Variants in SYT7 observed in about 807,000 individuals in gnomAD.
SYT7 encodes synaptotagmin 7.
Under a neutral mutation model 75.1 loss-of-function variants are expected in SYT7, and 29 were observed. The observed-to-expected ratio is 0.39, with a 90% confidence interval of 0.29 to 0.53. The LOEUF is 0.53. SYT7 is among the 20% of genes least tolerant of loss of function. The pLI is 0.77. For synonymous variants in SYT7, 376 were observed against 401.7 expected, an observed-to-expected ratio of 0.94 and a Z score of 0.76; for missense variants, 693 against 953.2, an observed-to-expected ratio of 0.73 and a Z score of 3.59.
chr11:61,560,212 A>T (rs1470166161), intron 1 of SYT7, among the ~76,000 whole-genome samples: 1 of 152,224 alleles, frequency 6.6e-6, no homozygotes, highest in Admixed American at 6.5e-5. Flanking sequence ...TTGCTTTGAC[A>T]TCACACCAAC....
chr11:61,521,957 T>C (rs374846942), intron 12 of SYT7, among the ~76,000 whole-genome samples: 4 of 152,340 alleles, frequency 2.6e-5, no homozygotes, highest in African/African-American at 7.2e-5. Context: ...CACTCTCATT[T>C]TGAGAGGAGA....
At chr11:61,569,459 C>T (rs940106179) in intron 1 of SYT7, among the ~76,000 whole-genome samples, 12 of 152,072 alleles carry the variant, frequency 7.9e-5, no homozygotes, top group Non-Finnish European at 1.6e-4. Flanking sequence ...TGGAAGGAGC[C>T]TGAACATGTC....
chr11:61,584,704 T>C (rs529626170), upstream of SYT7, among the ~76,000 whole-genome samples: 2 of 152,320 alleles, frequency 1.3e-5, no homozygotes, highest in South Asian at 4.1e-4. Flanking sequence ...TCCCAATTCT[T>C]TTCTGAGTAC....
rs2062410962 is a variant in SYT7 at position 61,523,396 on chromosome 11, A to G, written c.1757-122T>C. ...CCGTGTGCTTTCCCCAGAGGCAAGG[A>G]AAGACCCAGGCAAGAACAAGAGGGA... On this transcript the variant is annotated intron_variant, in intron 11 of 12. Coordinates refer to ENST00000539008, the MANE Select transcript of SYT7 (RefSeq NM_001365809.2). This position sits in a 1 kb window ranked among gnomAD's most constrained non-coding sequence, Gnocchi z 5.0. 1.0e-6 allele frequency: 1 copy of G among 953,552 alleles called. No homozygotes were observed. Among genetic ancestry groups the G allele is most frequent in the Non-Finnish European group, 1.6e-6 (1 of 618,422 alleles). The allele number at this position is 953,552 out of a possible 1,614,324, so 59.1% of individuals were successfully genotyped here. A position where few individuals can be genotyped will look rare whatever the true frequency, so the allele number is the denominator to read the frequency against.
At chr11:61,584,810 G>T (rs1032774669), upstream of SYT7, among the ~76,000 whole-genome samples, 1 of 152,208 alleles carries the variant, frequency 6.6e-6, no homozygotes, top group Non-Finnish European at 1.5e-5. Flanking sequence ...CCCCTGCCCT[G>T]CCCTTGGGTC....
chr11:61,563,275 G>A (rs946123665), intron 1 of SYT7, among the ~76,000 whole-genome samples: 5 of 152,200 alleles, frequency 3.3e-5, no homozygotes, highest in South Asian at 2.1e-4. Flanking sequence ...CTGGGTTTAC[G>A]CCCCAGCCCT....
chr11:61,528,467 C>T (rs2062600399), intron 8 of SYT7, among the ~76,000 whole-genome samples: 1 of 152,158 alleles, frequency 6.6e-6, no homozygotes, highest in Non-Finnish European at 1.5e-5. Context: ...GGTCTGCTGC[C>T]TGCCCCAAGC....
At chr11:61,540,548 G>A in intron 6 of SYT7, 1 of 985,528 alleles carries the variant, frequency 1.0e-6, no homozygotes, top group Non-Finnish European at 1.2e-6. Context: ...CAACTAGGGG[G>A]ACATGAGACT....
chr11:61,549,872 C>T (rs1303251076), intron 3 of SYT7, among the ~76,000 whole-genome samples: 1 of 152,036 alleles, frequency 6.6e-6, no homozygotes, highest in Admixed American at 6.5e-5. Context: ...GGAATCCTGT[C>T]TCCTCTTGTG....
chr11:61,552,846 A>C (rs1277698612), intron 2 of SYT7, among the ~76,000 whole-genome samples: 1 of 152,210 alleles, frequency 6.6e-6, no homozygotes, highest in Non-Finnish European at 1.5e-5. Flanking sequence ...TGGTGTCGCC[A>C]TATGAACCCC....
At position 61,516,818 on chromosome 11, in the gene SYT7, T is replaced by C. The variant is rs1390684123; in HGVS notation, c.*1809A>G. 4 of 160,826 alleles carry C rather than the reference T, an allele frequency of 2.5e-5. No individual in the cohort carries two copies. The highest frequency in any genetic ancestry group is 9.6e-5 in the African/African-American group (4 of 41,772). 10.0% of individuals were successfully genotyped at this position (160,826 alleles called of 1,614,324 possible). A position where few individuals can be genotyped will look rare whatever the true frequency, so the allele number is the denominator to read the frequency against. ...TACAAAACGATTCACCTACTATGTATGATGTTCCTCCAGATCCCAGGGAGA... is the reference window on the plus strand; with the variant it reads ...TACAAAACGATTCACCTACTATGTACGATGTTCCTCCAGATCCCAGGGAGA... On this transcript the variant is annotated 3_prime_UTR_variant, in exon 13 of 13. Transcript: ENST00000539008. The surrounding 1 kb of genome is among the most constrained non-coding windows in gnomAD (Gnocchi z 4.6).
At chr11:61,538,655 G>C (rs1267696563) in intron 6 of SYT7, among the ~76,000 whole-genome samples, 1 of 152,114 alleles carries the variant, frequency 6.6e-6, no homozygotes, top group African/African-American at 2.4e-5. Flanking sequence ...GAACACGGGG[G>C]ATAGGGTGGG....
chr11:61,523,194 T>C lies in SYT7; in HGVS notation c.1837A>G (p.Asn613Asp), dbSNP rs2062402622. The C allele has an allele frequency of 1.2e-6, 2 of 1,614,200 alleles. No homozygotes were observed. The highest frequency in any genetic ancestry group is 1.7e-6 in the Non-Finnish European group (2 of 1,180,040). Reference sequence around the variant, plus strand: ...GCGAAGGACTCATTGAAGATGGGGTTCAGGTTCCTCTTCATCGTCACCGTC... The same window carrying C: ...GCGAAGGACTCATTGAAGATGGGGTCCAGGTTCCTCTTCATCGTCACCGTC... ...KKTVTMKRNL[N>D]PIFNESFAFD... The change falls in exon 12 of 13, where the codon AAC becomes GAC. Residue 613 changes from asparagine (N) to aspartate (D), a missense_variant. Physicochemically the swap from Asn to Asp is conservative, Grantham distance 23 (BLOSUM62 1). Transcript: ENST00000539008. This position sits in a 1 kb window ranked among gnomAD's most constrained non-coding sequence, Gnocchi z 5.0.
chr11:61,518,806 C>A, intron 12 of SYT7, 75 bp from the exon 13 acceptor site: 1 of 1,069,894 alleles, frequency 9.3e-7, no homozygotes, highest in Middle Eastern at 2.1e-4. Flanking sequence ...GGGGTGACAC[C>A]CCAACTCCAC....
At chr11:61,552,446 C>T (rs565376404) in intron 2 of SYT7, among the ~76,000 whole-genome samples, 28 of 149,688 alleles carry the variant, frequency 1.9e-4, no homozygotes, top group Non-Finnish European at 3.5e-4. Context: ...CTGCCCCTCC[C>T]CGGCTGCACA....
At chr11:61,555,642 G>A (rs2063479303) in intron 2 of SYT7, among the ~76,000 whole-genome samples, 1 of 152,210 alleles carries the variant, frequency 6.6e-6, no homozygotes, top group African/African-American at 2.4e-5. Context: ...CGGCGCCTCC[G>A]CATTGGCCAC....
rs2062464840 is a variant in SYT7 at position 61,524,915 on chromosome 11, A to T, written c.1472-383T>A. The stretch of plus-strand genomic sequence containing the variant: ...CAATCGTCCCGAGGCGGGTCTGGGC[A>T]AGTGGCTCTGTCTAGGTGGCCACAG... On this transcript the variant is annotated intron_variant, in intron 9 of 12. Coordinates refer to ENST00000539008, the MANE Select transcript of SYT7 (RefSeq NM_001365809.2). This position sits in a 1 kb window ranked among gnomAD's most constrained non-coding sequence, Gnocchi z 4.1. 5.8e-6 allele frequency: 1 copy of T among 172,532 alleles called. No individual in the cohort carries two copies. Among genetic ancestry groups the T allele is most frequent in the Non-Finnish European group, 1.3e-5 (1 of 79,768 alleles). The allele number at this position is 172,532 out of a possible 1,614,324, so 10.7% of individuals were successfully genotyped here. A position where few individuals can be genotyped will look rare whatever the true frequency, so the allele number is the denominator to read the frequency against.
intron 3 of SYT7, among the ~76,000 whole-genome samples, chr11:61,549,126 C>T (rs564011423): frequency 1.6e-4 from 25 of 152,128 alleles, no homozygotes; most frequent in African/African-American, 5.1e-4. Flanking sequence ...CTCTCTTTCC[C>T]GCTCCCTCCA....
At chr11:61,540,116 G>A (rs560501497) in intron 6 of SYT7, 1 of 152,214 alleles carries the variant, frequency 6.6e-6, no homozygotes, top group African/African-American at 2.4e-5. Flanking sequence ...ATAAATTCCC[G>A]ATTCGTCACT....
Sources: allele counts gnomAD v4.1 joint callset (sites outside exome capture counted in the v4.1 genomes callset), GRCh38; gene constraint gnomAD v4.1.1; non-coding constraint Gnocchi (gnomAD v3.1); transcripts MANE v1.5; gene names NCBI Gene and HGNC (gene_info 2026-07-23, HGNC 2026-07-21).